The following RUFY3 variants were observed in gnomAD, a reference collection of about 807,000 sequenced individuals.
The protein encoded by RUFY3 is protein RUFY3.
RUFY3 carries 34 observed loss-of-function variants against 84.0 expected under a neutral mutation model. The ratio of observed to expected loss-of-function variants is 0.40; its 90% CI spans 0.31 to 0.54. The LOEUF is 0.54. Among genes scored for constraint, RUFY3 ranks in the 20% least tolerant of loss-of-function variants. The pLI is 0.39. For synonymous variants in RUFY3, 242 were observed against 252.9 expected (o/e 0.96, Z 0.41); for missense variants, 507 against 736.8 (o/e 0.69, Z 3.61).
chr4:70,802,993 C>T lies in RUFY3; in HGVS notation c.1650+10C>T, dbSNP rs1449406317. On this transcript the variant is annotated intron_variant, in intron 16 of 17. Transcript: ENST00000381006. Reference sequence around the variant, plus strand: ...CCCTATGGATGAACAGGTAACAGAGCCTCCTGTTTCAAAACATCTTGTATG... The same window carrying T: ...CCCTATGGATGAACAGGTAACAGAGTCTCCTGTTTCAAAACATCTTGTATG... The T allele has an allele frequency of 1.2e-6, 2 of 1,602,358 alleles. No individual in the cohort carries two copies. The highest frequency in any genetic ancestry group is 1.7e-4 in the Middle Eastern group (1 of 6,042).
At chr4:70,800,024 A>G in intron 14 of RUFY3, 117 bp from the exon 15 acceptor site, 1 of 838,062 alleles carries the variant, frequency 1.2e-6, no homozygotes. Flanking sequence ...TCCCTTCCCT[A>G]ATAAAAAAAG....
intron 1 of RUFY3, among the ~76,000 whole-genome samples, chr4:70,762,188 G>A (rs978171049): frequency 2.6e-5 from 4 of 152,170 alleles, no homozygotes; most frequent in Admixed American, 6.5e-5. Flanking sequence ...GATGGCGTGC[G>A]CCTATAGTTC....
chr4:70,770,650 A>G (rs1173269712), intron 5 of RUFY3, among the ~76,000 whole-genome samples: 3 of 152,104 alleles, frequency 2.0e-5, no homozygotes, highest in Admixed American at 2.0e-4. Flanking sequence ...TATACAGACC[A>G]CTCAAACTTT....
At position 70,722,554 on chromosome 4, in the gene RUFY3, G is replaced by A; in HGVS notation, c.-20G>A. ...GTGTGTGTGTGTCTGTGTGTGTGTT[G>A]TGGTCCCAGCTGAGTCATCATGTCT... On this transcript the variant is annotated 5_prime_UTR_variant, in exon 1 of 18. The change creates a new upstream start codon in the 5' untranslated region. Coordinates refer to ENST00000381006, the MANE Select transcript of RUFY3 (RefSeq NM_001037442.4). 1 of 1,607,270 alleles carries A rather than the reference G, an allele frequency of 6.2e-7. No homozygotes were observed. Among genetic ancestry groups the A allele is most frequent in the South Asian group, 1.1e-5 (1 of 90,504 alleles).
intron 1 of RUFY3, among the ~76,000 whole-genome samples, chr4:70,735,657 A>G (rs1479006981): frequency 6.6e-6 from 1 of 152,000 alleles, no homozygotes; most frequent in Non-Finnish European, 1.5e-5. Context: ...CCTGGGCAAC[A>G]TGGCAAAACC....
Position 70,722,270 on chromosome 4 carries a change from G to T in RUFY3, c.-304G>T, listed in dbSNP as rs1044716671. ...ATAGCTCAGCTGAAAAAAAAGGTGG[G>T]GGGCAGGGAAGGGAAGATAAAAGGA... On this transcript the variant is annotated 5_prime_UTR_variant, in exon 1 of 18. Transcript: ENST00000381006. 5.7e-6 allele frequency: 7 copies of T among 1,232,630 alleles called. No homozygotes were observed. The African/African-American group carries it at 9.3e-5, about 16-fold the overall frequency. 76.4% of individuals were successfully genotyped at this position (1,232,630 alleles called of 1,614,324 possible).
At chr4:70,705,461 C>T (rs2148545562) in intron 1 of RUFY3, among the ~76,000 whole-genome samples, 1 of 152,262 alleles carries the variant, frequency 6.6e-6, no homozygotes, top group African/African-American at 2.4e-5. Flanking sequence ...TCCCGAGGCG[C>T]CCGGTGAGGA....
chr4:70,728,348 G>A (rs539698948), intron 1 of RUFY3, among the ~76,000 whole-genome samples: 2 of 152,310 alleles, frequency 1.3e-5, no homozygotes, highest in South Asian at 2.1e-4. Flanking sequence ...GCTTGCTGCC[G>A]CTGCGCAGCA....
intron 15 of RUFY3, among the ~76,000 whole-genome samples, chr4:70,801,163 CAAAAAA>C (rs561597683): frequency 1.6e-5 from 1 of 64,272 alleles, no homozygotes; most frequent in South Asian, 4.6e-4. Flanking sequence ...ACTATGGAGA[CAAAAAA>C]AAAAAAAAAA....
chr4:70,762,667 G>A lies in RUFY3; in HGVS notation c.327G>A (p.Glu109=), dbSNP rs1377063513. 1 of 1,613,304 alleles carries A rather than the reference G, an allele frequency of 6.2e-7. No individual in the cohort carries two copies. Among genetic ancestry groups the A allele is most frequent in the South Asian group, 1.1e-5 (1 of 90,916 alleles). Residue 109 remains glutamate (E), a synonymous_variant, in exon 2 of 18, where the codon GAG becomes GAA. Coordinates refer to ENST00000381006, the MANE Select transcript of RUFY3 (RefSeq NM_001037442.4). ...APLQQFFVVM[E]HCLKHGLKAK... ...TCCAGCAATTCTTTGTGGTGATGGA[G>A]CACTGTCTGAAACATGGCTTGAAAG...
intron 14 of RUFY3, among the ~76,000 whole-genome samples, chr4:70,795,967 ACT>A (rs1731448757): frequency 6.6e-6 from 1 of 152,016 alleles, no homozygotes; most frequent in South Asian, 2.1e-4. Context: ...GTGGAATAGC[ACT>A]CTCTGTTGAA....
chr4:70,739,639 A>G (rs1720976756), intron 1 of RUFY3, among the ~76,000 whole-genome samples: 1 of 152,172 alleles, frequency 6.6e-6, no homozygotes, highest in Non-Finnish European at 1.5e-5. Context: ...TGCTAGAGAA[A>G]GGCTACCTCA....
At chr4:70,765,963 G>A (rs1014196662) in intron 4 of RUFY3, among the ~76,000 whole-genome samples, 2 of 151,634 alleles carry the variant, frequency 1.3e-5, no homozygotes, top group African/African-American at 4.8e-5. Context: ...GGGTTTCACC[G>A]TGTTGGCCAG....
chr4:70,724,709 G>T (rs971233802), intron 1 of RUFY3, among the ~76,000 whole-genome samples: 1 of 152,174 alleles, frequency 6.6e-6, no homozygotes, highest in East Asian at 1.9e-4. Context: ...AATTGGGCAA[G>T]AAAGCTATTA....
intron 1 of RUFY3, among the ~76,000 whole-genome samples, chr4:70,743,537 T>TTAA (rs1329098177): frequency 6.6e-6 from 1 of 152,174 alleles, no homozygotes; most frequent in East Asian, 1.9e-4. Flanking sequence ...ATACAAAGTA[T>TTAA]TAATAATGCA....
chr4:70,736,664 C>G (rs1044876487), intron 1 of RUFY3, among the ~76,000 whole-genome samples: 1 of 151,972 alleles, frequency 6.6e-6, no homozygotes, highest in African/African-American at 2.4e-5. Context: ...CTCTGCCTCC[C>G]GGGTTCAAGT....
chr4:70,766,649 C>G lies in RUFY3; in HGVS notation c.573-1889C>G, dbSNP rs777051930. Among the ~76,000 whole-genome samples the G allele has an allele frequency of 4.6e-5, 7 of 152,220 alleles. 1 individual carries two copies. Among genetic ancestry groups the G allele is most frequent in the Middle Eastern group, 6.8e-3 (2 of 294 alleles). On this transcript the variant is annotated intron_variant, in intron 4 of 17. Coordinates refer to ENST00000381006, the MANE Select transcript of RUFY3 (RefSeq NM_001037442.4). ...AGATATTTTTCATACATACCCTTCC[C>G]CCCTGTACAACCTCCCTCATTATCA...
chr4:70,732,732 G>A (rs1249506851), intron 1 of RUFY3, among the ~76,000 whole-genome samples: 2 of 147,810 alleles, frequency 1.4e-5, no homozygotes, highest in Admixed American at 1.4e-4. Flanking sequence ...ACAGGGAAGG[G>A]AACATCACAC....
Position 70,722,036 on chromosome 4 carries a change from C to T in RUFY3, c.-538C>T, listed in dbSNP as rs1408353770. The T allele has an allele frequency of 5.7e-6, 7 of 1,232,058 alleles. No homozygotes were observed. The highest frequency in any genetic ancestry group is 7.1e-6 in the Non-Finnish European group (7 of 987,990). The allele number at this position is 1,232,058 out of a possible 1,614,324, so 76.3% of individuals were successfully genotyped here. The stretch of plus-strand genomic sequence containing the variant: ...GCCAATCCTATGAGAACTCAGCATC[C>T]CAGCTCATCTGAGCAGATCCTGGAA... On this transcript the variant is annotated 5_prime_UTR_variant, in exon 1 of 18. Transcript: ENST00000381006.
Sources: allele counts gnomAD v4.1 joint callset (sites outside exome capture counted in the v4.1 genomes callset), GRCh38; gene constraint gnomAD v4.1.1; transcripts MANE v1.5; gene names NCBI Gene and HGNC (gene_info 2026-07-23, HGNC 2026-07-21).